Variants in ADCY7 observed in about 807,000 individuals in gnomAD.
The protein encoded by ADCY7 is adenylate cyclase type 7.
Under a neutral mutation model 120.6 loss-of-function variants are expected in ADCY7, and 72 were observed. The observed-to-expected ratio is 0.60, with a 90% CI of 0.49 to 0.73. The LOEUF is 0.73. ADCY7 is among the 30% of genes least tolerant of loss of function. The pLI, the probability that ADCY7 is intolerant of heterozygous loss-of-function variation, is 0.00. For synonymous variants in ADCY7, 661 were observed against 628.0 expected (o/e 1.05, Z -0.78); for missense variants, 1,227 against 1,486.0 (o/e 0.83, Z 2.87).
rs540799496 is a variant in ADCY7 at position 50,272,994 on chromosome 16, C to G, written c.-269+6314C>G. ...TTCTGTATCCCTTTGTCAGGCTCAG[C>G]TCTCCTGGGCATGGGTACAAGAGCA... On this transcript the variant is annotated intron_variant, in intron 1 of 25. Transcript: ENST00000673801. Among the ~76,000 whole-genome samples the G allele has an allele frequency of 8.1e-4, 124 of 152,278 alleles. 1 individual carries two copies. The highest frequency in any genetic ancestry group is 3.4e-3 in the Middle Eastern group (1 of 294).
chr16:50,303,579 G>A (rs949268779), intron 10 of ADCY7, among the ~76,000 whole-genome samples: 13 of 152,010 alleles, frequency 8.6e-5, no homozygotes, highest in Admixed American at 3.3e-4. Context: ...CCCAACTGGC[G>A]AAGGCCTCAG....
intron 1 of ADCY7, among the ~76,000 whole-genome samples, chr16:50,280,974 G>C (rs777545867): frequency 6.6e-6 from 1 of 152,094 alleles, no homozygotes; most frequent in Admixed American, 6.5e-5. Flanking sequence ...GTGCTTGGGG[G>C]CTATGGAGGG....
intron 21 of ADCY7, among the ~76,000 whole-genome samples, chr16:50,312,621 ACT>A (rs1405960651): frequency 6.6e-6 from 1 of 151,970 alleles, no homozygotes; most frequent in Non-Finnish European, 1.5e-5. Flanking sequence ...ACCCTCCACT[ACT>A]GCAGAGGTTC....
In ADCY7 at chr16:50,312,943, G is replaced by C; in HGVS notation, c.2658G>C (p.Pro886=). 6.2e-7 allele frequency: 1 copy of C among 1,614,166 alleles called. No individual in the cohort carries two copies. Among genetic ancestry groups the C allele is most frequent in the African/African-American group, 1.3e-5 (1 of 75,032 alleles). ...TCTGTGTCATGTTTGCCTCCGTGCC[G>C]GACTTCAAAGTGTTCTACACAGAGT... ...DCVCVMFASV[P]DFKVFYTECD... Residue 886 remains proline (P), a synonymous_variant, in exon 22 of 26, where the codon CCG becomes CCC. Coordinates refer to ENST00000673801, the MANE Select transcript of ADCY7 (RefSeq NM_001114.5).
At chr16:50,261,033 C>T (rs916717342) in intron 1 of ADCY7, among the ~76,000 whole-genome samples, 2 of 152,204 alleles carry the variant, frequency 1.3e-5, no homozygotes, top group Non-Finnish European at 1.5e-5. Flanking sequence ...TGGCTCGTAG[C>T]TCACACCTAC....
intron 1 of ADCY7, among the ~76,000 whole-genome samples, chr16:50,278,083 C>T (rs1019452969): frequency 5.3e-5 from 8 of 151,502 alleles, no homozygotes; most frequent in Non-Finnish European, 1.2e-4. Flanking sequence ...ACTCTGTCAC[C>T]GAGGCTGGTT....
Position 50,288,138 on chromosome 16 carries a change from T to C in ADCY7, c.-42T>C. 3 of 1,511,060 alleles carry C rather than the reference T, an allele frequency of 2.0e-6. No individual in the cohort carries two copies. The highest frequency in any genetic ancestry group is 2.7e-6 in the Non-Finnish European group (3 of 1,124,694). The allele number at this position is 1,511,060 out of a possible 1,614,324, so 93.6% of individuals were successfully genotyped here. A position where few individuals can be genotyped will look rare whatever the true frequency, so the allele number is the denominator to read the frequency against. On this transcript the variant is annotated 5_prime_UTR_variant, in exon 2 of 26. Transcript: ENST00000673801. ...CAGATGCCCTCCAGGCCCTGGGGCC[T>C]CCTTAACGGCCCCTTAACGACACGC...
chr16:50,291,965 C>A, intron 4 of ADCY7, 68 bp downstream of exon 4: 4 of 1,509,948 alleles, frequency 2.6e-6, no homozygotes, highest in Non-Finnish European at 3.5e-6. Flanking sequence ...TGGGGGGGCC[C>A]CCTCTGGGTG....
At chr16:50,308,641 G>C in intron 16 of ADCY7, 26 bp from the exon 17 acceptor site, 1 of 1,598,076 alleles carries the variant, frequency 6.3e-7, no homozygotes, top group Admixed American at 1.7e-5. Flanking sequence ...GTTGGCTCTG[G>C]GTGACTTGAC....
intron 1 of ADCY7, among the ~76,000 whole-genome samples, chr16:50,252,095 G>A (rs765241728): frequency 8.5e-5 from 13 of 152,188 alleles, no homozygotes; most frequent in Non-Finnish European, 1.8e-4. Flanking sequence ...CGCTGACCAC[G>A]CCTTGAGGAC....
At chr16:50,307,795 A>T (rs932302512) in intron 15 of ADCY7, among the ~76,000 whole-genome samples, 34 of 152,156 alleles carry the variant, frequency 2.2e-4, no homozygotes, top group African/African-American at 8.0e-4. Flanking sequence ...CAGGGGTTTG[A>T]GACCAGCCTG....
upstream of ADCY7, chr16:50,266,534 G>A: frequency 6.3e-6 from 1 of 159,594 alleles, no homozygotes; most frequent in South Asian, 1.4e-4. Context: ...GGAAGTGGTG[G>A]GTCCCAGATG....
chr16:50,301,225 T>G lies in ADCY7; in HGVS notation c.1368+11T>G. On this transcript the variant is annotated intron_variant, in intron 10 of 25. Transcript: ENST00000673801. ...GTCATCGACCCCCGGGTACGAGGGC[T>G]CAGAGGCCGCAGCTGGGGGGGACCC... is the stretch of plus-strand genomic sequence containing the variant. 6.4e-7 allele frequency: 1 copy of G among 1,572,062 alleles called. No homozygotes were observed. The highest frequency in any genetic ancestry group is 8.6e-7 in the Non-Finnish European group (1 of 1,159,840).
intron 1 of ADCY7, among the ~76,000 whole-genome samples, chr16:50,270,580 G>A (rs993051026): frequency 7.2e-5 from 11 of 152,322 alleles, no homozygotes; most frequent in East Asian, 1.9e-4. Flanking sequence ...GGAAGTGTGC[G>A]TCACTGTCGG....
Position 50,291,657 on chromosome 16 carries a change from G to A in ADCY7, c.376-79G>A, listed in dbSNP as rs570077042. The A allele has an allele frequency of 5.1e-5, 80 of 1,568,538 alleles. No homozygotes were observed. The East Asian group carries it at 1.7e-3, about 33-fold the overall frequency. ...CCTAAGGATACGCACTGGGTGGGCTGCTGTGGTGCAGGGTTCCGGGGGCTG... is the reference window on the plus strand; with the variant it reads ...CCTAAGGATACGCACTGGGTGGGCTACTGTGGTGCAGGGTTCCGGGGGCTG... On this transcript the variant is annotated intron_variant, in intron 3 of 25. Transcript: ENST00000673801.
At chr16:50,301,253 A>AGG in intron 10 of ADCY7, 39 bp downstream of exon 10, 4 of 1,547,572 alleles carry the variant, frequency 2.6e-6, no homozygotes, top group Non-Finnish European at 3.5e-6. Context: ...GGGGACCCGG[A>AGG]GGGACTGGAG....
rs115498275 is a variant in ADCY7, at chr16:50,286,319, C to T, written c.-268-1593C>T. ...TCCTGCATAGCTGAGGTCCCAGCTA[C>T]GCAGGAGTCTGAGGTGGGAGGATTG... On this transcript the variant is annotated intron_variant, in intron 1 of 25. Transcript: ENST00000673801. Among the ~76,000 whole-genome samples, 578 of 148,594 alleles carry T rather than the reference C, an allele frequency of 3.9e-3. 7 individuals are homozygous for T. The highest frequency in any genetic ancestry group is 0.012 in the African/African-American group (488 of 40,364).
chr16:50,250,437 A>G (rs2032721354), intron 1 of ADCY7, among the ~76,000 whole-genome samples: 1 of 148,226 alleles, frequency 6.7e-6, no homozygotes, highest in African/African-American at 2.5e-5. Context: ...AGCCTGGGGG[A>G]CAAAGCAAGA....
In ADCY7 at chr16:50,308,654, T is replaced by G; in HGVS notation, c.1936-13T>G. 6.2e-7 allele frequency: 1 copy of G among 1,606,278 alleles called. No individual in the cohort carries two copies. The highest frequency in any genetic ancestry group is 8.5e-7 in the Non-Finnish European group (1 of 1,175,926). On this transcript the variant is annotated splice_polypyrimidine_tract_variant and intron_variant, in intron 16 of 25. Transcript: ENST00000673801. ...CTGTTGGCTCTGGGTGACTTGACCC[T>G]GTTACCCCACAGAGGTGCTGCCCAG...
Sources: gnomAD v4.1 joint callset for allele counts (sites outside exome capture counted in the v4.1 genomes callset) on GRCh38, gnomAD v4.1.1 for gene constraint, MANE v1.5 for transcripts, NCBI Gene and HGNC (gene_info 2026-07-23, HGNC 2026-07-21) for gene names.